SHTN1: variants seen among roughly 807,000 people sequenced by gnomAD.
SHTN1 encodes the protein shootin-1.
Under a neutral mutation model 83.1 loss-of-function variants are expected in SHTN1, and 42 were observed. The observed-to-expected ratio is 0.51, with a 90% CI of 0.39 to 0.65. The LOEUF (loss-of-function observed/expected upper bound fraction) is 0.65, where lower values mean the gene tolerates loss of function less well. SHTN1 is among the 30% of genes least tolerant of loss of function. SHTN1 has a pLI of 0.00. For synonymous variants in SHTN1, 224 were observed against 247.7 expected (o/e 0.90, Z 0.90); for missense variants, 622 against 737.8 (o/e 0.84, Z 1.82).
At chr10:117,013,123 A>ATTTT (rs1852133504) in intron 2 of SHTN1, among the ~76,000 whole-genome samples, 1 of 152,262 alleles carries the variant, frequency 6.6e-6, no homozygotes, top group East Asian at 1.9e-4. Flanking sequence ...TCAAAAGTAA[A>ATTTT]AAAGATTAAT....
Position 116,881,694 on chromosome 10 carries a change from C to T in SHTN1, c.*4650G>A. On this transcript the variant is annotated 3_prime_UTR_variant, in exon 17 of 17. Transcript: ENST00000355371. ...GGGCTGTACACACCCCAGGTTCCAGCCACACCATCAGTATTAGTAGACCGG... is the reference window on the plus strand; with the variant it reads ...GGGCTGTACACACCCCAGGTTCCAGTCACACCATCAGTATTAGTAGACCGG... The T allele has an allele frequency of 6.8e-7, 1 of 1,462,264 alleles. No individual in the cohort carries two copies. The highest frequency in any genetic ancestry group is 9.1e-7 in the Non-Finnish European group (1 of 1,101,758). 90.6% of individuals were successfully genotyped at this position (1,462,264 alleles called of 1,614,324 possible).
At chr10:117,035,254 A>G (rs1424194652) in intron 2 of SHTN1, among the ~76,000 whole-genome samples, 1 of 152,236 alleles carries the variant, frequency 6.6e-6, no homozygotes, top group African/African-American at 2.4e-5. Context: ...CTCTTCAATA[A>G]ATGGTATTGG....
rs76345823 is a variant in SHTN1 at position 117,039,198 on chromosome 10, G to A, written c.-123+9247C>T. On this transcript the variant is annotated intron_variant, in intron 2 of 17. Coordinates refer to the SHTN1 transcript ENST00000392901. ...GCATCAACCCATGAAAAGACATGGA[G>A]GAAATTTAAATGCATATTATCTAGT... is the stretch of plus-strand genomic sequence containing the variant. Among the ~76,000 whole-genome samples the A allele has an allele frequency of 9.4e-3, 1,425 of 152,260 alleles. 51 individuals are homozygous for A. In the East Asian group the frequency reaches 0.1, roughly 11 times the overall value.
Position 117,055,521 on chromosome 10 carries a change from T to C in SHTN1, c.-188-7011A>G, listed in dbSNP as rs560306883. On this transcript the variant is annotated intron_variant, in intron 1 of 17. Coordinates refer to the SHTN1 transcript ENST00000392901. ...AAATTATTCTGGAACCAGATAGTGG[T>C]GCTTGTTGCACAACACTGTGAGTGT... 3.3e-5 allele frequency among the ~76,000 whole-genome samples: 5 copies of C among 152,300 alleles called. No individual in the cohort carries two copies. The South Asian group carries it at 1.0e-3, about 32-fold the overall frequency.
chr10:116,902,020 G>A (rs1847759171), intron 15 of SHTN1, 63 bp from the exon 16 acceptor site: 2 of 1,376,006 alleles, frequency 1.5e-6, no homozygotes, highest in Non-Finnish European at 2.0e-6. Context: ...ATATGGTACT[G>A]AAAAACAGAT....
chr10:117,089,395 A>C lies in SHTN1; in HGVS notation c.-189+36912T>G, dbSNP rs1564955823. 3.9e-5 allele frequency among the ~76,000 whole-genome samples: 6 copies of C among 152,342 alleles called. No homozygotes were observed. In the South Asian group the frequency reaches 1.0e-3, roughly 26 times the overall value. ...TTCAGGAACTTTGTACTCTCTTTAAAAAGTAACAAAAAATCACCATTTAAC... is the reference window on the plus strand; with the variant it reads ...TTCAGGAACTTTGTACTCTCTTTAACAAGTAACAAAAAATCACCATTTAAC... On this transcript the variant is annotated intron_variant, in intron 1 of 17. Coordinates refer to the SHTN1 transcript ENST00000392901.
At position 116,994,082 on chromosome 10, in the gene SHTN1, CTAAT is replaced by C. The variant is rs1424239252; in HGVS notation, c.58+10936_58+10939del. On this transcript the variant is annotated intron_variant, in intron 1 of 16. Coordinates refer to ENST00000355371, the MANE Select transcript of SHTN1 (RefSeq NM_001127211.3). ...TTCAAAATTGCTAAGGATTAAAACTCTAATTAATATATGTAATTAAGGCTACTAG... is the reference window on the plus strand; with the variant it reads ...TTCAAAATTGCTAAGGATTAAAACTCTAATATATGTAATTAAGGCTACTAG... Among the ~76,000 whole-genome samples the C allele has an allele frequency of 4.6e-5, 7 of 152,080 alleles. No individual in the cohort carries two copies. The South Asian group carries it at 6.2e-4, about 14-fold the overall frequency.
At chr10:116,989,804 C>T (rs1335661758) in intron 1 of SHTN1, among the ~76,000 whole-genome samples, 1 of 152,124 alleles carries the variant, frequency 6.6e-6, no homozygotes. Flanking sequence ...TTCGGCCTCG[C>T]GATGTGCATT....
At chr10:116,990,367 T>C (rs1851385228) in intron 1 of SHTN1, among the ~76,000 whole-genome samples, 1 of 151,656 alleles carries the variant, frequency 6.6e-6, no homozygotes, top group African/African-American at 2.4e-5. Flanking sequence ...GTTGTATGTT[T>C]TGAGAGCTTG....
chr10:116,907,087 A>G (rs988946669), intron 14 of SHTN1, among the ~76,000 whole-genome samples: 2 of 152,164 alleles, frequency 1.3e-5, no homozygotes, highest in African/African-American at 4.8e-5. Flanking sequence ...GGTGGAGAAG[A>G]GAATTGATAT....
chr10:116,925,511 A>G (rs1378741194), intron 11 of SHTN1, among the ~76,000 whole-genome samples: 2 of 152,226 alleles, frequency 1.3e-5, no homozygotes, highest in Admixed American at 1.3e-4. Flanking sequence ...TGGGTGTCCA[A>G]GTTGCCAACT....
At chr10:117,058,562 C>T (rs1161145286) in intron 1 of SHTN1, among the ~76,000 whole-genome samples, 1 of 152,054 alleles carries the variant, frequency 6.6e-6, no homozygotes, top group East Asian at 1.9e-4. Context: ...AATTAGAACC[C>T]TTACGCACTG....
At chr10:117,077,101 T>G (rs2133607728) in intron 1 of SHTN1, among the ~76,000 whole-genome samples, 1 of 152,322 alleles carries the variant, frequency 6.6e-6, no homozygotes, top group South Asian at 2.1e-4. Context: ...AGAAGAAATG[T>G]GCAATCAAAA....
At chr10:117,072,661 G>T (rs1348674315) in intron 1 of SHTN1, among the ~76,000 whole-genome samples, 1 of 152,158 alleles carries the variant, frequency 6.6e-6, no homozygotes, top group Non-Finnish European at 1.5e-5. Context: ...ATAGGAAAAG[G>T]GGGAGAGTAC....
intron 12 of SHTN1, among the ~76,000 whole-genome samples, chr10:116,917,474 T>C (rs1279071780): frequency 6.6e-6 from 1 of 152,204 alleles, no homozygotes; most frequent in Non-Finnish European, 1.5e-5. Context: ...CAGCTAATTT[T>C]TGTATTTTTA....
At chr10:117,093,948 G>C (rs1853470369) in intron 1 of SHTN1, among the ~76,000 whole-genome samples, 1 of 152,204 alleles carries the variant, frequency 6.6e-6, no homozygotes, top group African/African-American at 2.4e-5. Flanking sequence ...GCTTCCTGGA[G>C]AAATGATTTT....
At chr10:117,116,015 G>A (rs982379680) in intron 1 of SHTN1, among the ~76,000 whole-genome samples, 1 of 151,804 alleles carries the variant, frequency 6.6e-6, no homozygotes, top group African/African-American at 2.4e-5. Context: ...AGTAACTAGA[G>A]AATCAAGAAC....
intron 2 of SHTN1, among the ~76,000 whole-genome samples, chr10:117,037,644 C>T (rs2133577661): frequency 6.6e-6 from 1 of 152,256 alleles, no homozygotes; most frequent in East Asian, 1.9e-4. Flanking sequence ...CACTACCCAG[C>T]TTTAAAACTT....
chr10:116,957,158 A>G (rs1218110683), intron 4 of SHTN1, among the ~76,000 whole-genome samples: 3 of 151,716 alleles, frequency 2.0e-5, no homozygotes, highest in African/African-American at 7.3e-5. Context: ...ATTTTGGCTA[A>G]GTAATTTCAT....
Sources: gnomAD v4.1 joint callset for allele counts (sites outside exome capture counted in the v4.1 genomes callset) on GRCh38, gnomAD v4.1.1 for gene constraint, MANE v1.5 for transcripts, NCBI Gene and HGNC (gene_info 2026-07-23, HGNC 2026-07-21) for gene names.